IMMP2L: variants seen among roughly 807,000 people sequenced by gnomAD.
IMMP2L encodes inner mitochondrial membrane peptidase subunit 2.
In IMMP2L, 18 loss-of-function variants were observed where a neutral mutation model predicts 19.3. That is an observed-to-expected ratio of 0.93 (90% CI 0.64 to 1.38). IMMP2L has a LOEUF of 1.38. IMMP2L is among the 40% of genes most tolerant of loss of function. The pLI, the probability that IMMP2L is intolerant of heterozygous loss-of-function variation, is 0.00. For missense variants in IMMP2L, 233 were observed against 218.2 expected, an observed-to-expected ratio of 1.07 and a Z score of -0.43; for synonymous variants, 76 against 73.0, an observed-to-expected ratio of 1.04 and a Z score of -0.21.
At chr7:110,772,177 A>G (rs1799084912) in intron 5 of IMMP2L, among the ~76,000 whole-genome samples, 1 of 152,130 alleles carries the variant, frequency 6.6e-6, no homozygotes, top group Admixed American at 6.6e-5. Context: ...AATCTTCCCA[A>G]TGCTCCTGAA....
At chr7:111,392,297 C>T (rs1450387155) in intron 3 of IMMP2L, among the ~76,000 whole-genome samples, 2 of 152,148 alleles carry the variant, frequency 1.3e-5, no homozygotes, top group African/African-American at 4.8e-5. Flanking sequence ...CCCCCACCCA[C>T]TGGAAATGTA....
intron 3 of IMMP2L, among the ~76,000 whole-genome samples, chr7:111,372,400 C>T (rs1270094980): frequency 1.3e-5 from 2 of 151,998 alleles, no homozygotes; most frequent in Admixed American, 1.3e-4. Flanking sequence ...ATACGTATCT[C>T]TTGTTCTCCT....
At chr7:111,426,844 G>A (rs2131645509) in intron 3 of IMMP2L, among the ~76,000 whole-genome samples, 1 of 151,248 alleles carries the variant, frequency 6.6e-6, no homozygotes, top group South Asian at 2.1e-4. Context: ...ATGAAAGTCA[G>A]TGTTTGGTGT....
intron 3 of IMMP2L, among the ~76,000 whole-genome samples, chr7:111,466,840 A>G (rs997277680): frequency 1.3e-5 from 2 of 152,138 alleles, no homozygotes; most frequent in African/African-American, 4.8e-5. Flanking sequence ...TTTACATAGC[A>G]TTTACATTGT....
At chr7:111,143,464 G>C (rs572750872) in intron 3 of IMMP2L, among the ~76,000 whole-genome samples, 4 of 152,200 alleles carry the variant, frequency 2.6e-5, no homozygotes, top group East Asian at 1.9e-4. Flanking sequence ...CCCCGTGAAA[G>C]ACCAACAATT....
chr7:110,673,324 A>T (rs1792053149), intron 5 of IMMP2L, among the ~76,000 whole-genome samples: 1 of 152,190 alleles, frequency 6.6e-6, no homozygotes, highest in African/African-American at 2.4e-5. Context: ...TAGAGCAGGT[A>T]GGTCCTGGGC....
At chr7:111,128,071 G>C (rs1212830980) in intron 3 of IMMP2L, among the ~76,000 whole-genome samples, 3 of 151,968 alleles carry the variant, frequency 2.0e-5, no homozygotes, top group Non-Finnish European at 2.9e-5. Context: ...ACTTATTTTA[G>C]TGTTAAAGTT....
intron 3 of IMMP2L, among the ~76,000 whole-genome samples, chr7:111,230,965 C>T (rs1203527640): frequency 6.6e-6 from 1 of 151,360 alleles, no homozygotes; most frequent in Non-Finnish European, 1.5e-5. Context: ...AAGGGAGTGA[C>T]ATCTGACAAA....
intron 3 of IMMP2L, among the ~76,000 whole-genome samples, chr7:111,059,131 G>A (rs1793780511): frequency 6.6e-6 from 1 of 151,778 alleles, no homozygotes; most frequent in Non-Finnish European, 1.5e-5. Flanking sequence ...TGCAGGCACC[G>A]GCCACCACAT....
At chr7:111,085,266 C>T (rs938849719) in intron 3 of IMMP2L, among the ~76,000 whole-genome samples, 3 of 152,174 alleles carry the variant, frequency 2.0e-5, no homozygotes, top group Admixed American at 6.5e-5. Flanking sequence ...GGTATATACA[C>T]AGTAATGGGA....
At chr7:111,130,182 G>A (rs887277064) in intron 3 of IMMP2L, among the ~76,000 whole-genome samples, 4 of 152,094 alleles carry the variant, frequency 2.6e-5, no homozygotes, top group African/African-American at 9.7e-5. Flanking sequence ...ATATACCAAC[G>A]AAGGGTGTAA....
intron 3 of IMMP2L, among the ~76,000 whole-genome samples, chr7:110,996,139 A>G (rs920430846): frequency 2.0e-5 from 3 of 152,144 alleles, no homozygotes; most frequent in Non-Finnish European, 2.9e-5. Context: ...AATTGCACCT[A>G]TAAGTGCTAT....
intron 4 of IMMP2L, among the ~76,000 whole-genome samples, chr7:110,959,492 T>C (rs1818711920): frequency 6.6e-6 from 1 of 151,962 alleles, no homozygotes; most frequent in African/African-American, 2.4e-5. Context: ...ACATTTGACA[T>C]TGTTAGCAAA....
At chr7:110,949,286 T>G (rs1212785539) in intron 4 of IMMP2L, among the ~76,000 whole-genome samples, 1 of 152,202 alleles carries the variant, frequency 6.6e-6, no homozygotes, top group East Asian at 1.9e-4. Context: ...CTTCATGGTC[T>G]AGGTGTACCC....
chr7:111,516,214 C>G (rs1465571751), intron 2 of IMMP2L, among the ~76,000 whole-genome samples: 4 of 151,898 alleles, frequency 2.6e-5, no homozygotes, highest in Admixed American at 2.6e-4. Context: ...ATTAATATAC[C>G]AATCAGCAAG....
At position 110,826,070 on chromosome 7, in the gene IMMP2L, A is replaced by C. The variant is rs558699058; in HGVS notation, c.408+60523T>G. On this transcript the variant is annotated intron_variant, in intron 5 of 5. Transcript: ENST00000405709. ...CTCAAAAGAAGACATTTATGCGCCA[A>C]CAGACACATGAAAAAATGCTCATCA... is the stretch of plus-strand genomic sequence containing the variant. Among the ~76,000 whole-genome samples the C allele has an allele frequency of 1.6e-4, 25 of 152,374 alleles. No homozygotes were observed. In the South Asian group the frequency reaches 5.2e-3, roughly 32 times the overall value.
intron 4 of IMMP2L, among the ~76,000 whole-genome samples, chr7:110,922,909 G>A (rs1365898940): frequency 2.0e-5 from 3 of 152,142 alleles, no homozygotes; most frequent in African/African-American, 7.2e-5. Flanking sequence ...GGTGGACTCT[G>A]ATTGATTTTC....
intron 3 of IMMP2L, among the ~76,000 whole-genome samples, chr7:111,412,404 T>G (rs112974153): frequency 0.023 from 3,456 of 151,792 alleles, 221 homozygotes; most frequent in African/African-American, 0.08. Flanking sequence ...TAGGGCATAT[T>G]CCAGGCCTTA....
intron 2 of IMMP2L, among the ~76,000 whole-genome samples, chr7:111,493,876 T>C (rs1413962609): frequency 1.3e-5 from 2 of 150,760 alleles, no homozygotes; most frequent in African/African-American, 4.9e-5. Context: ...GGTGGGCCGC[T>C]GTAGTCCCAG....
Sources: gnomAD v4.1 joint callset for allele counts (sites outside exome capture counted in the v4.1 genomes callset) on GRCh38, gnomAD v4.1.1 for gene constraint, MANE v1.5 for transcripts, NCBI Gene and HGNC (gene_info 2026-07-23, HGNC 2026-07-21) for gene names.